SLC8A1: variants seen among roughly 807,000 people sequenced by gnomAD.
SLC8A1 encodes solute carrier family 8 member A1.
In SLC8A1, 18 loss-of-function variants were observed where a neutral mutation model predicts 68.3. The ratio of observed to expected loss-of-function variants is 0.26; its 90% confidence interval spans 0.18 to 0.39. SLC8A1 has a LOEUF of 0.39. SLC8A1 is among the 10% of genes least tolerant of loss of function. SLC8A1 has a pLI of 1.00. For missense variants in SLC8A1, 985 were observed against 1,156.7 expected, an observed-to-expected ratio of 0.85 and a Z score of 2.15; for synonymous variants, 475 against 415.5, an observed-to-expected ratio of 1.14 and a Z score of -1.74.
intron 1 of SLC8A1, among the ~76,000 whole-genome samples, chr2:40,444,118 G>C (rs1701004757): frequency 1.3e-5 from 2 of 152,168 alleles, no homozygotes; most frequent in South Asian, 2.1e-4. Context: ...AGAACTGCTT[G>C]AGCCCAGGAG....
At chr2:40,402,420 G>A (rs1055244111) in intron 2 of SLC8A1, among the ~76,000 whole-genome samples, 1 of 152,204 alleles carries the variant, frequency 6.6e-6, no homozygotes, top group Admixed American at 6.5e-5. Context: ...AGCAGCCCAT[G>A]CTGCTGCTCT....
intron 2 of SLC8A1, among the ~76,000 whole-genome samples, chr2:40,411,027 T>A (rs1348353505): frequency 6.6e-6 from 1 of 152,046 alleles, no homozygotes; most frequent in Non-Finnish European, 1.5e-5. Flanking sequence ...ATAATTAAGT[T>A]TTTTTAGATT....
intron 1 of SLC8A1, among the ~76,000 whole-genome samples, chr2:40,466,190 T>A (rs1197096931): frequency 2.6e-5 from 4 of 152,166 alleles, no homozygotes; most frequent in African/African-American, 9.6e-5. Context: ...CATTTATAAC[T>A]CTCTAGAGTT....
chr2:40,253,155 A>ATGTG (rs2063233877), intron 2 of SLC8A1, among the ~76,000 whole-genome samples: 1 of 124,248 alleles, frequency 8.0e-6, no homozygotes, highest in African/African-American at 3.6e-5. Flanking sequence ...ATATACATAC[A>ATGTG]TATATATGTA....
chr2:40,501,851 G>A (rs1170059955), intron 1 of SLC8A1, among the ~76,000 whole-genome samples: 1 of 152,044 alleles, frequency 6.6e-6, no homozygotes, highest in East Asian at 1.9e-4. Flanking sequence ...TGGATGCAGA[G>A]TGTCCCAGGT....
chr2:40,212,805 C>T (rs562750932), intron 2 of SLC8A1, among the ~76,000 whole-genome samples: 1 of 152,166 alleles, frequency 6.6e-6, no homozygotes, highest in African/African-American at 2.4e-5. Flanking sequence ...ACTCAGAGTT[C>T]CTGTTTGTGC....
intron 2 of SLC8A1, among the ~76,000 whole-genome samples, chr2:40,298,092 G>C: frequency 6.6e-6 from 1 of 152,112 alleles, no homozygotes; most frequent in South Asian, 2.1e-4. Context: ...ATCTTGGCCA[G>C]GCTGGTCTCG....
intron 2 of SLC8A1, among the ~76,000 whole-genome samples, chr2:40,357,973 T>A (rs6544327): frequency 0.53 from 77,153 of 145,814 alleles, 20,537 homozygotes; most frequent in Admixed American, 0.63. Context: ...TGTGTTTGTA[T>A]AAAAAGGGAT....
chr2:40,440,619 T>G (rs1700291629), intron 1 of SLC8A1, among the ~76,000 whole-genome samples: 1 of 152,078 alleles, frequency 6.6e-6, no homozygotes, highest in Non-Finnish European at 1.5e-5. Context: ...GATGTTCATT[T>G]AAATTACTAC....
At chr2:40,483,100 G>A (rs1475379838) in intron 1 of SLC8A1, among the ~76,000 whole-genome samples, 1 of 151,284 alleles carries the variant, frequency 6.6e-6, no homozygotes, top group Non-Finnish European at 1.5e-5. Context: ...CATCGTGCCC[G>A]GCCCACAGTT....
At chr2:40,301,412 T>C (rs899146075) in intron 2 of SLC8A1, among the ~76,000 whole-genome samples, 22 of 152,354 alleles carry the variant, frequency 1.4e-4, no homozygotes, top group Middle Eastern at 3.4e-3. Flanking sequence ...ACCTTCAGGC[T>C]ATAACTGTCT....
intron 2 of SLC8A1, among the ~76,000 whole-genome samples, chr2:40,281,601 G>C (rs886731873): frequency 1.3e-5 from 2 of 152,188 alleles, no homozygotes; most frequent in African/African-American, 4.8e-5. Context: ...TGGGGCCTTG[G>C]CAAGTCTAAT....
intron 7 of SLC8A1, among the ~76,000 whole-genome samples, chr2:40,128,792 A>G (rs2038703592): frequency 1.3e-5 from 2 of 152,236 alleles, no homozygotes; most frequent in South Asian, 4.1e-4. Flanking sequence ...TAATTTACAA[A>G]TATATAGAGA....
At chr2:40,482,852 G>A (rs1321272580) in intron 1 of SLC8A1, among the ~76,000 whole-genome samples, 3 of 147,654 alleles carry the variant, frequency 2.0e-5, no homozygotes, top group Non-Finnish European at 3.0e-5. Context: ...GTGCAGTGGC[G>A]CGATCTCGGC....
At chr2:40,375,132 G>T (rs1177268917) in intron 2 of SLC8A1, among the ~76,000 whole-genome samples, 1 of 152,012 alleles carries the variant, frequency 6.6e-6, no homozygotes, top group East Asian at 1.9e-4. Flanking sequence ...GCAGCTGATG[G>T]TGGTCACAAG....
At chr2:40,239,820 A>C (rs1308040626) in intron 2 of SLC8A1, among the ~76,000 whole-genome samples, 2 of 152,236 alleles carry the variant, frequency 1.3e-5, no homozygotes, top group African/African-American at 4.8e-5. Flanking sequence ...AATGAAATAA[A>C]ATTTCAGTAT....
chr2:40,384,964 G>C (rs1322879980), intron 2 of SLC8A1, among the ~76,000 whole-genome samples: 1 of 151,998 alleles, frequency 6.6e-6, no homozygotes, highest in Non-Finnish European at 1.5e-5. Flanking sequence ...CCTAATGCCT[G>C]CCACCACTTC....
At chr2:40,343,018 T>G (rs1467193712) in intron 2 of SLC8A1, among the ~76,000 whole-genome samples, 1 of 152,062 alleles carries the variant, frequency 6.6e-6, no homozygotes, top group East Asian at 1.9e-4. Flanking sequence ...AAACTTAAAC[T>G]TTCAGAATCT....
intron 2 of SLC8A1, among the ~76,000 whole-genome samples, chr2:40,366,372 T>C (rs1224070481): frequency 2.0e-5 from 3 of 152,100 alleles, no homozygotes; most frequent in Non-Finnish European, 4.4e-5. Context: ...CAATGTGTGA[T>C]CTTGGAAGAA....
Sources: gnomAD v4.1 joint callset for allele counts (sites outside exome capture counted in the v4.1 genomes callset) on GRCh38, gnomAD v4.1.1 for gene constraint, MANE v1.5 for transcripts, NCBI Gene and HGNC (gene_info 2026-07-23, HGNC 2026-07-21) for gene names.